The following PNPLA4 variants were observed in gnomAD, a reference collection of about 807,000 sequenced individuals.
PNPLA4 encodes the protein patatin like domain 4, phospholipase and triacylglycerol lipase, also known as patatin-like phospholipase domain-containing protein 4.
A neutral mutation model predicts 18.3 loss-of-function variants in PNPLA4; 15 were observed. That is an observed-to-expected ratio of 0.82 (90% CI 0.55 to 1.26). PNPLA4 has a LOEUF of 1.26. Ranked by LOEUF, PNPLA4 falls within the 50% of genes most tolerant of loss-of-function variation. The pLI is 0.00. For missense variants in PNPLA4, 229 were observed against 196.8 expected, an observed-to-expected ratio of 1.16 and a Z score of -0.98; for synonymous variants, 88 against 85.6, an observed-to-expected ratio of 1.03 and a Z score of -0.16.
intron 5 of PNPLA4, among the ~76,000 whole-genome samples, chrX:7,909,527 C>G (rs1235348368): frequency 9.2e-6 from 1 of 108,638 alleles, no homozygotes. Flanking sequence ...CCACTGCACT[C>G]CAGCCTGGGT....
At chrX:7,916,030 T>C (rs1221616643) in intron 4 of PNPLA4, among the ~76,000 whole-genome samples, 1 of 111,814 alleles carries the variant, frequency 8.9e-6, no homozygotes. Flanking sequence ...AAAGGCTTCC[T>C]GGGTACCTCT....
In PNPLA4 at chrX:7,926,010, T is replaced by C. The variant is rs765981538; in HGVS notation, c.110A>G (p.Lys37Arg). ...RHGKKLVKDV[K>R]AFAGASAGSL... ...TCCCGCAGACGCCCCAGCGAAGGCT[T>C]TGACATCCTTCACAAGTTTTTTGCC... The change falls in exon 2 of 7, where the codon AAA becomes AGA. Residue 37 changes from lysine (K) to arginine (R), a missense_variant. Physicochemically the swap from Lys to Arg is conservative, Grantham distance 26 (BLOSUM62 2). Transcript: ENST00000381042. The C allele has an allele frequency of 1.3e-5, 16 of 1,210,397 alleles. No individual in the cohort carries two copies. The East Asian group carries it at 2.7e-4, about 20-fold the overall frequency.
rs765028312 is a variant in PNPLA4, at chrX:7,902,063, C to T, written c.556G>A (p.Gly186Arg). The T allele has an allele frequency of 6.6e-6, 8 of 1,209,093 alleles. No homozygotes were observed. The South Asian group carries it at 1.2e-4, about 19-fold the overall frequency. Residue 186 changes from glycine to arginine, a missense_variant, in exon 6 of 7, where the codon GGA becomes AGA. Coordinates refer to ENST00000381042, the MANE Select transcript of PNPLA4 (RefSeq NM_004650.3). ...GRTVTISPFS[G>R]RLDISPQDKG... ...TCCTGCGGGGAGATGTCCAGTCGTC[C>T]ACTGAAGGGGGAGATGGTTACTGTC... is the stretch of plus-strand genomic sequence containing the variant.
intron 5 of PNPLA4, among the ~76,000 whole-genome samples, chrX:7,908,318 A>C (rs1227837694): frequency 1.8e-5 from 2 of 111,781 alleles, no homozygotes; most frequent in Non-Finnish European, 3.8e-5. Context: ...TCGTCACTTC[A>C]GAAAAACAAC....
At chrX:7,922,457 C>T (rs1924260560) in intron 2 of PNPLA4, among the ~76,000 whole-genome samples, 1 of 112,699 alleles carries the variant, frequency 8.9e-6, no homozygotes, top group Admixed American at 9.4e-5. Flanking sequence ...GTCTCAGCAG[C>T]AGTTTGATTA....
intron 5 of PNPLA4, among the ~76,000 whole-genome samples, chrX:7,903,819 T>C (rs1655920272): frequency 8.9e-6 from 1 of 112,072 alleles, no homozygotes; most frequent in Admixed American, 9.4e-5. Flanking sequence ...CATATTGTCA[T>C]TATTTTTAAA....
chrX:7,910,577 CTAAA>C (rs1380837361), intron 5 of PNPLA4, among the ~76,000 whole-genome samples: 2 of 109,764 alleles, frequency 1.8e-5, no homozygotes, highest in Non-Finnish European at 3.8e-5. Context: ...TAGATATATG[CTAAA>C]TACTTTTATT....
intron 5 of PNPLA4, among the ~76,000 whole-genome samples, chrX:7,906,449 T>G (rs1335597590): frequency 1.8e-5 from 2 of 111,924 alleles, no homozygotes; most frequent in Non-Finnish European, 3.8e-5. Context: ...AAATGATGAC[T>G]CCAGATATCT....
chrX:7,923,088 C>T (rs1018831053), intron 2 of PNPLA4, among the ~76,000 whole-genome samples: 1 of 112,399 alleles, frequency 8.9e-6, no homozygotes. Flanking sequence ...AGTTAAGTGG[C>T]TATATTATTG....
chrX:7,926,266 A>T (rs1236493028), intron 1 of PNPLA4, 134 bp from the exon 2 acceptor site: 1 of 443,227 alleles, frequency 2.3e-6, no homozygotes, highest in East Asian at 3.8e-5. Context: ...GTTTCAATTA[A>T]TTCTAATTAA....
At chrX:7,926,751 G>A (rs935487746) in intron 1 of PNPLA4, among the ~76,000 whole-genome samples, 2 of 112,232 alleles carry the variant, frequency 1.8e-5, no homozygotes, top group African/African-American at 6.5e-5. Flanking sequence ...GCCTGGTGAA[G>A]GCAATTTAAG....
Position 7,903,545 on chromosome X carries a change from C to T in PNPLA4, c.478-1404G>A, listed in dbSNP as rs775014567. Among the ~76,000 whole-genome samples, 8 of 111,087 alleles carry T rather than the reference C, an allele frequency of 7.2e-5. No individual in the cohort carries two copies. The East Asian group carries it at 2.0e-3, about 28-fold the overall frequency. ...CAATCTCCTGACCTCGTGATCTGCC[C>T]GCCTCGGCCTCCCAAAGTGCTGGGA... On this transcript the variant is annotated intron_variant, in intron 5 of 6. Transcript: ENST00000381042.
At chrX:7,921,499 G>C (rs1371501642) in intron 4 of PNPLA4, among the ~76,000 whole-genome samples, 3 of 111,957 alleles carry the variant, frequency 2.7e-5, no homozygotes, top group Non-Finnish European at 3.8e-5. Flanking sequence ...AACAAGTACA[G>C]GGAGCATTTG....
intron 5 of PNPLA4, among the ~76,000 whole-genome samples, chrX:7,909,482 C>T (rs1569104745): frequency 9.1e-6 from 1 of 109,909 alleles, no homozygotes; most frequent in Non-Finnish European, 1.9e-5. Context: ...TGGCGTGAAC[C>T]CGGGAGGTGG....
rs1018930440 is a variant in PNPLA4 at position 7,898,354 on chromosome X, A to G, written c.*2332T>C. The G allele has an allele frequency of 1.8e-5, 2 of 112,019 alleles. No homozygotes were observed. Among genetic ancestry groups the G allele is most frequent in the African/African-American group, 6.5e-5 (2 of 30,848 alleles). 9.2% of individuals were successfully genotyped at this position (112,019 alleles called of 1,213,427 possible). Reference sequence around the variant, plus strand: ...CAATCACAGTAATTACCCTGCAAACATATCAGTATCTGGGTCAGAAACTCC... The same window carrying G: ...CAATCACAGTAATTACCCTGCAAACGTATCAGTATCTGGGTCAGAAACTCC... On this transcript the variant is annotated 3_prime_UTR_variant, in exon 7 of 7. Coordinates refer to ENST00000381042, the MANE Select transcript of PNPLA4 (RefSeq NM_004650.3).
rs1226883798 is a variant in PNPLA4, at chrX:7,899,466, A to G, written c.*1220T>C. ...AAAGTAAAAAACCTGGGATCAGTACAACGTGATTTAAAAATGAGAAGTGAA... is the reference window on the plus strand; with the variant it reads ...AAAGTAAAAAACCTGGGATCAGTACGACGTGATTTAAAAATGAGAAGTGAA... On this transcript the variant is annotated 3_prime_UTR_variant, in exon 7 of 7. Transcript: ENST00000381042. 3 of 110,754 alleles carry G rather than the reference A, an allele frequency of 2.7e-5. No individual in the cohort carries two copies. The highest frequency in any genetic ancestry group is 5.7e-5 in the Non-Finnish European group (3 of 52,981). The allele number at this position is 110,754 out of a possible 1,213,427, so 9.1% of individuals were successfully genotyped here. A position where few individuals can be genotyped will look rare whatever the true frequency, so the allele number is the denominator to read the frequency against.
chrX:7,912,183 A>C, intron 4 of PNPLA4, 90 bp from the exon 5 acceptor site: 303 of 608,503 alleles, frequency 5.0e-4, no homozygotes, highest in Non-Finnish European at 6.8e-4. Context: ...GCAAAATCTC[A>C]ATAAATAAGC....
In PNPLA4 at chrX:7,902,029, T is replaced by C. The variant is rs1483853059; in HGVS notation, c.590A>G (p.Gln197Arg). The stretch of plus-strand genomic sequence containing the variant: ...GGCGATATTAACATACAGATCTAGC[T>C]GCCCTTTGTCCTGCGGGGAGATGTC... The part of the protein sequence containing the change: ...RLDISPQDKG[Q>R]LDLYVNIAKQ... Residue 197 changes from glutamine (Q) to arginine (R), a missense_variant, in exon 6 of 7, where the codon CAG (glutamine) becomes CGG (arginine). Physicochemically the swap from Gln to Arg is conservative, Grantham distance 43. Coordinates refer to ENST00000381042, the MANE Select transcript of PNPLA4 (RefSeq NM_004650.3). 1 of 1,209,101 alleles carries C rather than the reference T, an allele frequency of 8.3e-7. No homozygotes were observed. The highest frequency in any genetic ancestry group is 2.2e-5 in the Admixed American group (1 of 45,737).
intron 2 of PNPLA4, among the ~76,000 whole-genome samples, chrX:7,923,202 G>A (rs1924288551): frequency 8.9e-6 from 1 of 112,064 alleles, no homozygotes; most frequent in African/African-American, 3.2e-5. Context: ...TCCAGTTAAG[G>A]ACCTTGAGAT....
Sources: allele counts gnomAD v4.1 joint callset (sites outside exome capture counted in the v4.1 genomes callset), GRCh38; gene constraint gnomAD v4.1.1; transcripts MANE v1.5; gene names NCBI Gene and HGNC (gene_info 2026-07-23, HGNC 2026-07-21).